Variants in FAP observed in about 807,000 individuals in gnomAD.
The protein encoded by FAP is fibroblast activation protein alpha, also known as prolyl endopeptidase FAP.
A neutral mutation model predicts 126.5 loss-of-function variants in FAP; 110 were observed. The observed-to-expected ratio is 0.87, with a 90% CI of 0.74 to 1.02. The LOEUF is 1.02. FAP is among the 50% of genes least tolerant of loss of function. The pLI, the probability that FAP is intolerant of heterozygous loss-of-function variation, is 0.00. For synonymous variants in FAP, 334 were observed against 297.3 expected (o/e 1.12, Z -1.27); for missense variants, 919 against 909.2 (o/e 1.01, Z -0.14).
intron 12 of FAP, among the ~76,000 whole-genome samples, chr2:162,209,147 C>T (rs569621842): frequency 8.7e-4 from 133 of 152,078 alleles, no homozygotes; most frequent in African/African-American, 3.1e-3. Flanking sequence ...GTCCTTGGAT[C>T]ATGGGCTAAT....
chr2:162,198,303 ATG>A (rs1688344078), intron 16 of FAP: 3 of 1,289,250 alleles, frequency 2.3e-6, no homozygotes, highest in Non-Finnish European at 3.0e-6. Context: ...ATTCCCCTGG[ATG>A]TGAGAGTTTG....
chr2:162,213,879 T>A, intron 11 of FAP, 59 bp downstream of exon 11: 1 of 1,542,120 alleles, frequency 6.5e-7, no homozygotes, highest in African/African-American at 1.4e-5. Context: ...TATGGATGAG[T>A]CCCCACTATT....
intron 6 of FAP, chr2:162,221,464 G>A: frequency 3.3e-6 from 1 of 301,798 alleles, no homozygotes; most frequent in Non-Finnish European, 6.6e-6. Context: ...GGAGGAGGTT[G>A]CAGTGAGCCG....
intron 21 of FAP, chr2:162,176,811 A>G (rs1687503274): frequency 6.6e-6 from 1 of 152,200 alleles, no homozygotes. Flanking sequence ...GTATATCATG[A>G]AAAGGTTTTT....
chr2:162,190,527 A>T (rs145072191), intron 17 of FAP, among the ~76,000 whole-genome samples: 106 of 152,270 alleles, frequency 7.0e-4, no homozygotes, highest in African/African-American at 2.3e-3. Flanking sequence ...GAACAAATCC[A>T]TTGATCTCTT....
intron 2 of FAP, among the ~76,000 whole-genome samples, chr2:162,234,574 T>G (rs1367849820): frequency 6.6e-6 from 1 of 152,236 alleles, no homozygotes; most frequent in Non-Finnish European, 1.5e-5. Context: ...ATATATTTTT[T>G]TCTTGCCTAA....
chr2:162,170,951 C>G lies in FAP; in HGVS notation c.*28G>C. ...GGGGTTTATATAAGGTTTTCAGATT[C>G]TGATACAGGCTTGCATCTGCATCGT... On this transcript the variant is annotated 3_prime_UTR_variant, in exon 26 of 26. Transcript: ENST00000188790. 1 of 1,554,936 alleles carries G rather than the reference C, an allele frequency of 6.4e-7. No homozygotes were observed. The highest frequency in any genetic ancestry group is 8.9e-7 in the Non-Finnish European group (1 of 1,127,684).
At chr2:162,178,138 A>G (rs941666618) in intron 21 of FAP, among the ~76,000 whole-genome samples, 3 of 152,218 alleles carry the variant, frequency 2.0e-5, no homozygotes, top group Admixed American at 6.5e-5. Context: ...TTGATCACAC[A>G]TAGCAATTCA....
At chr2:162,236,934 T>C (rs1406915732) in intron 2 of FAP, among the ~76,000 whole-genome samples, 1 of 152,178 alleles carries the variant, frequency 6.6e-6, no homozygotes, top group Non-Finnish European at 1.5e-5. Context: ...TTATATCCTG[T>C]TCCTTAAAAG....
intron 16 of FAP, 124 bp from the exon 17 acceptor site, chr2:162,194,872 AT>A (rs1301375922): frequency 5.3e-5 from 43 of 815,976 alleles, no homozygotes; most frequent in South Asian, 1.0e-4. Flanking sequence ...TTCTGCAGCT[AT>A]TTTTTTCCCC....
At position 162,173,723 on chromosome 2, in the gene FAP, C is replaced by T. The variant is rs1687391680; in HGVS notation, c.2034G>A (p.Lys678=). Residue 678 remains lysine, a splice_region_variant and synonymous_variant, in exon 23 of 26, where the codon AAG becomes AAA. Coordinates refer to ENST00000188790, the MANE Select transcript of FAP (RefSeq NM_004460.5). ...PTKDDNLEHY[K]NSTVMARAEY... is the part of the protein sequence containing the mutation. ...ACCTAAATAAAATGGAAACACTTAC[C>T]TTATAGTGCTCAAGATTATCATCCT... is the stretch of plus-strand genomic sequence containing the variant. 1.9e-6 allele frequency: 3 copies of T among 1,585,592 alleles called. No individual in the cohort carries two copies. The highest frequency in any genetic ancestry group is 1.7e-6 in the Non-Finnish European group (2 of 1,154,384).
rs140260965 is a variant in FAP at position 162,239,409 on chromosome 2, C to A, written c.91+3499G>T. ...CCCTTCAGCTTCTTATATCTTTCTTCTTTCCTTTTGTTTTGCTTTTGCCCT... is the reference window on the plus strand; with the variant it reads ...CCCTTCAGCTTCTTATATCTTTCTTATTTCCTTTTGTTTTGCTTTTGCCCT... On this transcript the variant is annotated intron_variant, in intron 2 of 25. Transcript: ENST00000188790. Among the ~76,000 whole-genome samples the A allele has an allele frequency of 2.9e-3, 445 of 152,002 alleles. 2 individuals are homozygous for A. Among genetic ancestry groups the A allele is most frequent in the African/African-American group, 0.01 (435 of 41,432 alleles).
intron 20 of FAP, among the ~76,000 whole-genome samples, chr2:162,185,013 C>T (rs1437985656): frequency 6.6e-6 from 1 of 152,178 alleles, no homozygotes; most frequent in African/African-American, 2.4e-5. Context: ...GAAACATTAA[C>T]ACTGAATGTT....
chr2:162,171,788 T>C (rs549320052), intron 25 of FAP: 8 of 150,610 alleles, frequency 5.3e-5, no homozygotes, highest in Non-Finnish European at 1.0e-4. Flanking sequence ...TTTAAAAATT[T>C]GATATATAAT....
intron 21 of FAP, among the ~76,000 whole-genome samples, chr2:162,180,995 C>T (rs1687678142): frequency 6.6e-6 from 1 of 152,154 alleles, no homozygotes; most frequent in South Asian, 2.1e-4. Context: ...TAAATGGAGG[C>T]CGGATGCGGT....
chr2:162,174,777 T>C, intron 22 of FAP, 90 bp downstream of exon 22: 1 of 833,466 alleles, frequency 1.2e-6, no homozygotes, highest in Non-Finnish European at 2.0e-6. Context: ...GGGTGAATTT[T>C]ACTGCATAAT....
chr2:162,175,174 T>C, intron 21 of FAP: 2 of 470,316 alleles, frequency 4.3e-6, no homozygotes, highest in South Asian at 4.6e-5. Context: ...TCATTAGAAA[T>C]ACTTGGTGTG....
At position 162,200,609 on chromosome 2, in the gene FAP, T is replaced by G; in HGVS notation, c.1234A>C (p.Ser412Arg). 6.9e-7 allele frequency: 1 copy of G among 1,443,456 alleles called. No homozygotes were observed. Among genetic ancestry groups the G allele is most frequent in the Non-Finnish European group, 9.5e-7 (1 of 1,051,604 alleles). 89.4% of individuals were successfully genotyped at this position (1,443,456 alleles called of 1,614,324 possible). The change falls in exon 15 of 26, where the codon AGC becomes CGC. Residue 412 changes from serine (S) to arginine (R), a missense_variant. By Grantham distance (110) the Ser-to-Arg change is moderately radical. Coordinates refer to ENST00000188790, the MANE Select transcript of FAP (RefSeq NM_004460.5). ...CCAGGGTATTCTTCAAATTCATTGCTAGAATAAAACCTGAAAATATATTCA... is the reference window on the plus strand; with the variant it reads ...CCAGGGTATTCTTCAAATTCATTGCGAGAATAAAACCTGAAAATATATTCA... The part of the protein sequence containing the change: ...RVTQDSLFYS[S>R]NEFEEYPGRR...
chr2:162,174,823 C>A (rs569441399), intron 22 of FAP, 44 bp downstream of exon 22: 4 of 1,339,138 alleles, frequency 3.0e-6, no homozygotes, highest in South Asian at 2.4e-5. Flanking sequence ...AGAGTAATTA[C>A]GTGTTAAATG....
Sources: allele counts gnomAD v4.1 joint callset (sites outside exome capture counted in the v4.1 genomes callset), GRCh38; gene constraint gnomAD v4.1.1; transcripts MANE v1.5; gene names NCBI Gene and HGNC (gene_info 2026-07-23, HGNC 2026-07-21).